Variants in PKD1L3 observed in about 807,000 individuals in gnomAD.
PKD1L3 encodes polycystin-1-like protein 3.
A neutral mutation model predicts 184.1 loss-of-function variants in PKD1L3; 239 were observed. The observed-to-expected ratio is 1.30, with a 90% CI of 1.17 to 1.45. The LOEUF is 1.45. PKD1L3 is among the 40% of genes most tolerant of loss of function. PKD1L3 has a pLI of 0.00. For synonymous variants in PKD1L3, 996 were observed against 778.8 expected, an observed-to-expected ratio of 1.28 and a Z score of -4.64; for missense variants, 2,660 against 2,067.2, an observed-to-expected ratio of 1.29 and a Z score of -5.56.
chr16:71,982,193 G>T lies in PKD1L3; in HGVS notation c.1009C>A (p.Leu337Ile). ...TTGTTGTTCTGAAATGGGATCCTGA[G>T]TAACTCCTCACTCAGGTAAATAAGG... ...NSLIYLSEEL[L>I]RIPFQNNNSL... is the part of the protein sequence containing the mutation. Residue 337 changes from leucine (L) to isoleucine (I), a missense_variant, in exon 7 of 30, where the codon CTC becomes ATC. Transcript: ENST00000620267. 5.2e-6 allele frequency: 8 copies of T among 1,535,436 alleles called. No individual in the cohort carries two copies. The highest frequency in any genetic ancestry group is 2.4e-5 in the South Asian group (2 of 83,652).
chr16:71,947,981 A>G (rs2038685974), intron 21 of PKD1L3, among the ~76,000 whole-genome samples: 1 of 151,788 alleles, frequency 6.6e-6, no homozygotes, highest in Non-Finnish European at 1.5e-5. Flanking sequence ...CAGTGGCGCA[A>G]TCTCGGCTCA....
At position 71,967,278 on chromosome 16, in the gene PKD1L3, T is replaced by G. The variant is rs1298322522; in HGVS notation, c.2324A>C (p.Glu775Ala). Reference sequence around the variant, plus strand: ...CTGGGGGTCACAGAGGTGATGGGGCTCACTCCGTCCCTCTGATCCATAGAG... The same window carrying G: ...CTGGGGGTCACAGAGGTGATGGGGCGCACTCCGTCCCTCTGATCCATAGAG... ...ITLYGSEGRS[E>A]PHHLCDPQKT... Residue 775 changes from glutamate to alanine, a missense_variant, in exon 15 of 30, where the codon GAG becomes GCG. Coordinates refer to ENST00000620267, the MANE Select transcript of PKD1L3 (RefSeq NM_181536.2). The G allele has an allele frequency of 6.4e-7, 1 of 1,551,624 alleles. No individual in the cohort carries two copies.
intron 23 of PKD1L3, among the ~76,000 whole-genome samples, chr16:71,943,547 A>AAAAC (rs1555514242): frequency 1.3e-5 from 2 of 151,696 alleles, no homozygotes; most frequent in Non-Finnish European, 2.9e-5. Flanking sequence ...CAAAAAAAAA[A>AAAAC]AAAAAAAAAA....
At chr16:71,992,423 T>G (rs901408641) in intron 3 of PKD1L3, among the ~76,000 whole-genome samples, 1 of 152,246 alleles carries the variant, frequency 6.6e-6, no homozygotes, top group Non-Finnish European at 1.5e-5. Flanking sequence ...AATGGAAGCA[T>G]TGCTCTCACT....
chr16:71,948,676 C>T (rs1014322734), intron 21 of PKD1L3, among the ~76,000 whole-genome samples: 3 of 151,766 alleles, frequency 2.0e-5, no homozygotes, highest in Admixed American at 1.3e-4. Flanking sequence ...TTTTCTTTGC[C>T]ATTATTAAAA....
chr16:71,932,406 G>A (rs1261252060), intron 28 of PKD1L3, among the ~76,000 whole-genome samples: 2 of 152,180 alleles, frequency 1.3e-5, no homozygotes, highest in Non-Finnish European at 2.9e-5. Flanking sequence ...GAAGTGAGTA[G>A]TTATTAACTC....
At chr16:71,951,221 G>A (rs1171351738) in intron 19 of PKD1L3, among the ~76,000 whole-genome samples, 1 of 151,974 alleles carries the variant, frequency 6.6e-6, no homozygotes, top group Non-Finnish European at 1.5e-5. Flanking sequence ...TGTATTTTTA[G>A]TAGAGACAGG....
At position 71,949,956 on chromosome 16, in the gene PKD1L3, G is replaced by A; in HGVS notation, c.3445C>T (p.Leu1149=). 2 of 1,551,654 alleles carry A rather than the reference G, an allele frequency of 1.3e-6. No homozygotes were observed. The highest frequency in any genetic ancestry group is 1.2e-5 in the South Asian group (1 of 84,058). Residue 1149 remains leucine (L), a synonymous_variant, in exon 21 of 30, where the codon CTG becomes TTG. Coordinates refer to ENST00000620267, the MANE Select transcript of PKD1L3 (RefSeq NM_181536.2). ...EEGKKPISNG[L]SKWLTSVCWL... ...CAGACTGAAGTCAACCATTTGGACA[G>A]GCCATTTGAGATGGGCTTTTTTCCT...
At chr16:71,982,345 G>A in intron 6 of PKD1L3, 110 bp from the exon 7 acceptor site, 1 of 960,046 alleles carries the variant, frequency 1.0e-6, no homozygotes, top group Admixed American at 3.4e-5. Flanking sequence ...GAGTGCAATG[G>A]CGTGATATCG....
chr16:71,994,160 C>A (rs1167922333), intron 2 of PKD1L3, among the ~76,000 whole-genome samples: 1 of 152,142 alleles, frequency 6.6e-6, no homozygotes, highest in African/African-American at 2.4e-5. Flanking sequence ...AATCATATAA[C>A]CATGATGACT....
intron 13 of PKD1L3, among the ~76,000 whole-genome samples, chr16:71,968,482 T>G (rs2039584451): frequency 6.6e-6 from 1 of 152,178 alleles, no homozygotes; most frequent in African/African-American, 2.4e-5. Flanking sequence ...ACTTGGCGTA[T>G]TCTAGAATTT....
At chr16:71,969,810 T>G in intron 13 of PKD1L3, 65 bp downstream of exon 13, 1 of 1,402,276 alleles carries the variant, frequency 7.1e-7, no homozygotes, top group South Asian at 1.4e-5. Flanking sequence ...AAGGTGTTTT[T>G]TCCTTCATCT....
chr16:71,962,662 T>A (rs2039328687), intron 16 of PKD1L3, among the ~76,000 whole-genome samples: 1 of 152,020 alleles, frequency 6.6e-6, no homozygotes, highest in Non-Finnish European at 1.5e-5. Context: ...AATTTTTGTA[T>A]TTTTAGTAGG....
At chr16:71,984,256 T>C (rs2040275822) in intron 5 of PKD1L3, 89 bp from the exon 6 acceptor site, 10 of 1,365,714 alleles carry the variant, frequency 7.3e-6, no homozygotes, top group African/African-American at 1.5e-5. Context: ...CAAGTTGACC[T>C]TGGGTAACTT....
Position 71,933,454 on chromosome 16 carries a change from A to T in PKD1L3, c.4892T>A (p.Val1631Asp), listed in dbSNP as rs913374899. ...RTFFSSAVTVVGLLMGISHQE... is the reference protein window; with the variant it reads ...RTFFSSAVTVDGLLMGISHQE... The stretch of plus-strand genomic sequence containing the variant: ...GTGAGAAATTCCCATCAGGAGACCA[A>T]CAACAGTCACTGCTGAGCTGAAAAA... Residue 1631 changes from valine to aspartate, a missense_variant, in exon 28 of 30, where the codon GTT becomes GAT. Physicochemically the swap from Val to Asp is radical, Grantham distance 152. Coordinates refer to ENST00000620267, the MANE Select transcript of PKD1L3 (RefSeq NM_181536.2). 6.4e-7 allele frequency: 1 copy of T among 1,550,822 alleles called. No homozygotes were observed. Among genetic ancestry groups the T allele is most frequent in the Non-Finnish European group, 8.7e-7 (1 of 1,146,238 alleles).
At chr16:71,954,342 T>C (rs1295413940) in intron 16 of PKD1L3, 41 bp from the exon 17 acceptor site, 1 of 1,433,642 alleles carries the variant, frequency 7.0e-7, no homozygotes, top group Non-Finnish European at 9.4e-7. Flanking sequence ...TGAGATTTTA[T>C]TCTGAAAGTG....
intron 27 of PKD1L3, 93 bp downstream of exon 27, chr16:71,933,822 C>T (rs567844233): frequency 1.0e-5 from 14 of 1,376,120 alleles, no homozygotes; most frequent in South Asian, 6.6e-5. Context: ...TGTACCACCT[C>T]GGGTTTCTGT....
intron 1 of PKD1L3, among the ~76,000 whole-genome samples, chr16:71,999,249 C>T (rs1261048141): frequency 2.8e-5 from 4 of 141,422 alleles, no homozygotes; most frequent in Admixed American, 1.6e-4. Flanking sequence ...CCAGCCTGGG[C>T]GACAGAGCGA....
In PKD1L3 at chr16:71,953,058, CCAG is replaced by C. The variant is rs2038909155; in HGVS notation, c.2842_2844del (p.Leu948del). The C allele has an allele frequency of 2.0e-6, 3 of 1,533,028 alleles. No homozygotes were observed. The highest frequency in any genetic ancestry group is 2.6e-6 in the Non-Finnish European group (3 of 1,140,110). 95.0% of individuals were successfully genotyped at this position (1,533,028 alleles called of 1,614,324 possible). The stretch of plus-strand genomic sequence containing the variant: ...AGGATGACAGCAGTATGGATGCTGA[CCAG>C]CAGTTCAGACCAGGCCACAGCAAAT... On this transcript the variant is annotated inframe_deletion, in exon 18 of 30. Coordinates refer to ENST00000620267, the MANE Select transcript of PKD1L3 (RefSeq NM_181536.2).
Sources: gnomAD v4.1 joint callset for allele counts (sites outside exome capture counted in the v4.1 genomes callset) on GRCh38, gnomAD v4.1.1 for gene constraint, MANE v1.5 for transcripts, NCBI Gene and HGNC (gene_info 2026-07-23, HGNC 2026-07-21) for gene names.